Variants in CREB5 observed in about 807,000 individuals in gnomAD.
The protein encoded by CREB5 is cyclic AMP-responsive element-binding protein 5.
Under a neutral mutation model 57.1 loss-of-function variants are expected in CREB5, and 19 were observed. The observed-to-expected ratio is 0.33, with a 90% CI of 0.23 to 0.49. The LOEUF is 0.49. Ranked by LOEUF, CREB5 falls within the 20% of genes least tolerant of loss-of-function variation. The probability of loss-of-function intolerance (pLI) is 0.99; values close to 1 mark genes in which losing one functional copy is unlikely to be tolerated. For synonymous variants in CREB5, 238 were observed against 238.3 expected, an observed-to-expected ratio of 1.00 and a Z score of 0.01; for missense variants, 579 against 671.6, an observed-to-expected ratio of 0.86 and a Z score of 1.52.
chr7:28,373,256 A>C (rs901547679), intron 1 of CREB5, among the ~76,000 whole-genome samples: 18 of 152,136 alleles, frequency 1.2e-4, no homozygotes, highest in Non-Finnish European at 4.4e-5. Context: ...AAAGGCACAG[A>C]GATTTCAGAG....
chr7:28,706,245 A>C (rs1802100067), intron 5 of CREB5, among the ~76,000 whole-genome samples: 1 of 152,192 alleles, frequency 6.6e-6, no homozygotes, highest in Non-Finnish European at 1.5e-5. Context: ...AATCCCAGGC[A>C]CTCAGGAGGC....
At chr7:28,569,368 C>T (rs1295564096) in intron 4 of CREB5, among the ~76,000 whole-genome samples, 6 of 152,280 alleles carry the variant, frequency 3.9e-5, no homozygotes, top group South Asian at 2.1e-4. Flanking sequence ...TCTCACCTTT[C>T]GGTCCCAATG....
chr7:28,822,583 C>T lies in CREB5; in HGVS notation c.*3304C>T, dbSNP rs1583825639. ...GTGTGGTTTTCTTGATCGGTGAGAT[C>T]TGTCTCTGAAGTCACTGCCAGCCTC... On this transcript the variant is annotated 3_prime_UTR_variant, in exon 11 of 11. Transcript: ENST00000357727. 1 of 152,678 alleles carries T rather than the reference C, an allele frequency of 6.5e-6. No homozygotes were observed. Among genetic ancestry groups the T allele is most frequent in the East Asian group, 1.9e-4 (1 of 5,184 alleles). 9.5% of individuals were successfully genotyped at this position (152,678 alleles called of 1,614,324 possible).
intron 1 of CREB5, among the ~76,000 whole-genome samples, chr7:28,463,670 AT>A (rs1790442294): frequency 1.3e-5 from 2 of 152,242 alleles, no homozygotes; most frequent in South Asian, 4.2e-4. Context: ...TTATATTTTG[AT>A]GCTTACTGTA....
chr7:28,681,743 C>G (rs1182319086), intron 5 of CREB5, among the ~76,000 whole-genome samples: 1 of 152,222 alleles, frequency 6.6e-6, no homozygotes, highest in Non-Finnish European at 1.5e-5. Context: ...TTATCCCAGT[C>G]TGGTAGCCCA....
intron 3 of CREB5, among the ~76,000 whole-genome samples, chr7:28,498,407 T>C (rs980761489): frequency 6.6e-6 from 1 of 152,366 alleles, no homozygotes; most frequent in East Asian, 1.9e-4. Context: ...GGTTAACCTT[T>C]ATTTTGGAAA....
chr7:28,381,909 T>G (rs1357044100), intron 1 of CREB5, among the ~76,000 whole-genome samples: 1 of 152,160 alleles, frequency 6.6e-6, no homozygotes, highest in Non-Finnish European at 1.5e-5. Context: ...AAAAAAAGGT[T>G]TTGTTACGGG....
intron 5 of CREB5, among the ~76,000 whole-genome samples, chr7:28,634,477 A>G (rs1338211316): frequency 6.6e-6 from 1 of 152,174 alleles, no homozygotes; most frequent in African/African-American, 2.4e-5. Flanking sequence ...GATGAGCTGC[A>G]TATCATGAAA....
rs550179264 is a variant in CREB5 at position 28,428,843 on chromosome 7, G to T, written c.3+15926G>T. On this transcript the variant is annotated intron_variant, in intron 1 of 10. Coordinates refer to ENST00000357727, the MANE Select transcript of CREB5 (RefSeq NM_182898.4). ...CCTTTCCAGAGTGAGCCCCAGCCAC[G>T]CTGGGATATCAGGTCCTCACAGGGA... 3.7e-4 allele frequency among the ~76,000 whole-genome samples: 56 copies of T among 152,206 alleles called. 1 individual carries two copies. In the Middle Eastern group the frequency reaches 0.01, roughly 28 times the overall value.
chr7:28,360,824 G>A lies in CREB5; in HGVS notation c.-25+61383G>A, dbSNP rs371138771. 3.5e-4 allele frequency among the ~76,000 whole-genome samples: 53 copies of A among 152,306 alleles called. No homozygotes were observed. In the South Asian group the frequency reaches 9.9e-3, roughly 29 times the overall value. The stretch of plus-strand genomic sequence containing the variant: ...CAGTTTGTGTTCTGGGTTGGTACTG[G>A]TCTGGGAGCAATCATTCCTAGTGGT... On this transcript the variant is annotated intron_variant, in intron 1 of 9. Transcript: ENST00000396299.
At chr7:28,567,195 T>C (rs1795518567) in intron 4 of CREB5, among the ~76,000 whole-genome samples, 1 of 152,110 alleles carries the variant, frequency 6.6e-6, no homozygotes, top group African/African-American at 2.4e-5. Flanking sequence ...TTAAAAAAGG[T>C]TTTACTTTTT....
At chr7:28,747,960 G>T (rs1804774463) in intron 7 of CREB5, among the ~76,000 whole-genome samples, 1 of 152,170 alleles carries the variant, frequency 6.6e-6, no homozygotes, top group Admixed American at 6.5e-5. Context: ...CACTGCTCAC[G>T]GTGGTGTCTC....
intron 7 of CREB5, among the ~76,000 whole-genome samples, chr7:28,737,579 ATATAT>A (rs1562606889): frequency 0.014 from 367 of 26,606 alleles, 6 homozygotes; most frequent in South Asian, 0.028. Flanking sequence ...ATATATATAT[ATATAT>A]ATATTTTTAA....
intron 4 of CREB5, among the ~76,000 whole-genome samples, chr7:28,536,437 A>C (rs139190047): frequency 1.3e-5 from 2 of 152,254 alleles, no homozygotes; most frequent in Middle Eastern, 3.4e-3. Flanking sequence ...TCTGAAGCTC[A>C]GTGATTCTCC....
intron 1 of CREB5, among the ~76,000 whole-genome samples, chr7:28,435,226 T>C (rs1788904797): frequency 6.6e-6 from 1 of 151,984 alleles, no homozygotes; most frequent in East Asian, 1.9e-4. Context: ...TACAAGGCTG[T>C]TCTGAAGCTC....
chr7:28,538,017 C>T (rs1186368333), intron 4 of CREB5, among the ~76,000 whole-genome samples: 1 of 151,616 alleles, frequency 6.6e-6, no homozygotes, highest in Non-Finnish European at 1.5e-5. Flanking sequence ...GGTTTCTTAA[C>T]TATGGTTTTT....
intron 1 of CREB5, among the ~76,000 whole-genome samples, chr7:28,340,111 C>G (rs940860161): frequency 6.6e-6 from 1 of 152,142 alleles, no homozygotes; most frequent in Non-Finnish European, 1.5e-5. Flanking sequence ...ACTCCAGGAG[C>G]CTGCTTTGTG....
At chr7:28,552,532 C>T (rs150112897) in intron 4 of CREB5, among the ~76,000 whole-genome samples, 8 of 152,296 alleles carry the variant, frequency 5.3e-5, no homozygotes, top group African/African-American at 1.9e-4. Context: ...AGCAAAATGC[C>T]TCCTGCTCAT....
At chr7:28,602,909 A>G (rs1438229862) in intron 5 of CREB5, among the ~76,000 whole-genome samples, 3 of 152,280 alleles carry the variant, frequency 2.0e-5, no homozygotes, top group East Asian at 3.9e-4. Flanking sequence ...ACCACTGTCA[A>G]TTTTCTGGTT....
Sources: gnomAD v4.1 joint callset for allele counts (sites outside exome capture counted in the v4.1 genomes callset) on GRCh38, gnomAD v4.1.1 for gene constraint, MANE v1.5 for transcripts, NCBI Gene and HGNC (gene_info 2026-07-23, HGNC 2026-07-21) for gene names.